Variants in ERN1 observed in about 807,000 individuals in gnomAD.
ERN1 encodes the protein serine/threonine-protein kinase/endoribonuclease IRE1.
In ERN1, 39 loss-of-function variants were observed where a neutral mutation model predicts 113.1. The ratio of observed to expected loss-of-function variants is 0.34; its 90% CI spans 0.27 to 0.45. The LOEUF (loss-of-function observed/expected upper bound fraction) is 0.45. ERN1 is among the 20% of genes least tolerant of loss of function. ERN1 has a pLI of 1.00. For synonymous variants in ERN1, 507 were observed against 515.9 expected (o/e 0.98, Z 0.23); for missense variants, 976 against 1,274.8 (o/e 0.77, Z 3.57).
intron 6 of ERN1, 57 bp downstream of exon 6, chr17:64,071,924 C>G: frequency 6.5e-7 from 1 of 1,544,258 alleles, no homozygotes; most frequent in Non-Finnish European, 8.8e-7. Flanking sequence ...GGCTGGGGAG[C>G]TTCTTCCGAT....
chr17:64,077,637 A>G (rs1913636368), intron 4 of ERN1, among the ~76,000 whole-genome samples: 1 of 151,586 alleles, frequency 6.6e-6, no homozygotes. Flanking sequence ...CCGCTTCCAG[A>G]GTTTATTTTT....
Position 64,064,161 on chromosome 17 carries a change from G to T in ERN1, c.922-10C>A. The T allele has an allele frequency of 6.3e-7, 1 of 1,583,464 alleles. No homozygotes were observed. ...GTGTGCTGCCGCGGGGCTGTGGAGA[G>T]GGTGCAGTGAGGGTCAGGAGCCCTG... On this transcript the variant is annotated splice_polypyrimidine_tract_variant and intron_variant, in intron 9 of 21. Coordinates refer to ENST00000433197, the MANE Select transcript of ERN1 (RefSeq NM_001433.5).
chr17:64,078,737 G>A (rs1913675464), intron 4 of ERN1, among the ~76,000 whole-genome samples: 1 of 152,142 alleles, frequency 6.6e-6, no homozygotes, highest in South Asian at 2.1e-4. Context: ...GGTGGTGGTG[G>A]CTCACGTCTG....
intron 4 of ERN1, among the ~76,000 whole-genome samples, chr17:64,078,098 A>G (rs903275185): frequency 1.3e-5 from 2 of 152,188 alleles, no homozygotes; most frequent in African/African-American, 4.8e-5. Flanking sequence ...GGACTTTAGC[A>G]CTTACTGCCA....
chr17:64,108,543 G>T (rs6504202), intron 1 of ERN1, among the ~76,000 whole-genome samples: 1 of 151,996 alleles, frequency 6.6e-6, no homozygotes, highest in Admixed American at 6.6e-5. Flanking sequence ...CCACACTTTA[G>T]GAAAACTGAA....
At chr17:64,092,807 C>T (rs1914126745) in intron 2 of ERN1, among the ~76,000 whole-genome samples, 1 of 152,312 alleles carries the variant, frequency 6.6e-6, no homozygotes, top group Non-Finnish European at 1.5e-5. Context: ...GTCCTCTCAA[C>T]TCCATCAGGC....
chr17:64,088,722 G>A (rs1193687054), intron 2 of ERN1, among the ~76,000 whole-genome samples: 1 of 152,108 alleles, frequency 6.6e-6, no homozygotes, highest in African/African-American at 2.4e-5. Flanking sequence ...CACACATAAC[G>A]AACTGCTAGA....
chr17:64,058,747 A>G (rs1277428264), intron 11 of ERN1, among the ~76,000 whole-genome samples: 2 of 152,118 alleles, frequency 1.3e-5, no homozygotes, highest in Non-Finnish European at 2.9e-5. Flanking sequence ...CCTCCCTGGC[A>G]CATGCTGAAT....
intron 2 of ERN1, among the ~76,000 whole-genome samples, chr17:64,086,632 C>CT (rs1913934522): frequency 4.5e-5 from 3 of 66,822 alleles, no homozygotes; most frequent in Admixed American, 1.8e-4. Context: ...TTTTTCTTTT[C>CT]TTTCCTTTTT....
chr17:64,046,264 G>A (rs762807591), intron 19 of ERN1, among the ~76,000 whole-genome samples: 13 of 152,220 alleles, frequency 8.5e-5, no homozygotes, highest in Non-Finnish European at 1.8e-4. Context: ...AAGCTGTGGA[G>A]AGGTTAGATT....
At chr17:64,122,191 T>G (rs1879170507) in intron 1 of ERN1, among the ~76,000 whole-genome samples, 2 of 152,206 alleles carry the variant, frequency 1.3e-5, no homozygotes, top group Admixed American at 1.3e-4. Context: ...CACTCACACA[T>G]GACCCTGGAC....
intron 1 of ERN1, among the ~76,000 whole-genome samples, chr17:64,117,416 G>T (rs144418423): frequency 0.017 from 2,630 of 151,832 alleles, 38 homozygotes; most frequent in Middle Eastern, 0.048. Flanking sequence ...GCACTCCAGT[G>T]TGGGCGACAC....
intron 2 of ERN1, among the ~76,000 whole-genome samples, chr17:64,096,982 G>A (rs1285508317): frequency 6.6e-6 from 1 of 152,134 alleles, no homozygotes; most frequent in African/African-American, 2.4e-5. Context: ...TTCATCTCTG[G>A]ACAAAATAGG....
At chr17:64,045,830 G>A (rs866088825) in intron 19 of ERN1, among the ~76,000 whole-genome samples, 1 of 152,180 alleles carries the variant, frequency 6.6e-6, no homozygotes, top group Non-Finnish European at 1.5e-5. Flanking sequence ...AAAAAGAAAA[G>A]GAAAGCTCAG....
At chr17:64,071,863 AT>A in intron 6 of ERN1, 117 bp downstream of exon 6, 2 of 1,068,726 alleles carry the variant, frequency 1.9e-6, no homozygotes, top group Non-Finnish European at 2.7e-6. Flanking sequence ...AAATGACATG[AT>A]GGGACCTGTG....
intron 10 of ERN1, 51 bp from the exon 11 acceptor site, chr17:64,060,638 G>T: frequency 7.4e-7 from 1 of 1,349,948 alleles, no homozygotes; most frequent in Non-Finnish European, 1.1e-6. Flanking sequence ...GAGCTGTGGT[G>T]GCACTCAATG....
chr17:64,041,585 C>T lies in ERN1; in HGVS notation c.*2403G>A, dbSNP rs539517908. On this transcript the variant is annotated 3_prime_UTR_variant, in exon 22 of 22. Transcript: ENST00000433197. Reference sequence around the variant, plus strand: ...AAACCCCCCAGAGGATGGACGGGAACCAGGGCTCCTAAAGGCGACTAAGAG... The same window carrying T: ...AAACCCCCCAGAGGATGGACGGGAATCAGGGCTCCTAAAGGCGACTAAGAG... 2 of 152,248 alleles carry T rather than the reference C, an allele frequency of 1.3e-5. No individual in the cohort carries two copies. Among genetic ancestry groups the T allele is most frequent in the South Asian group, 4.2e-4 (2 of 4,814 alleles). The allele number at this position is 152,248 out of a possible 1,614,324, so 9.4% of individuals were successfully genotyped here.
At chr17:64,101,297 TA>T (rs1355639795) in intron 1 of ERN1, among the ~76,000 whole-genome samples, 1 of 151,862 alleles carries the variant, frequency 6.6e-6, no homozygotes, top group Non-Finnish European at 1.5e-5. Context: ...TAATCCCAGC[TA>T]CTAGAGACGC....
intron 1 of ERN1, among the ~76,000 whole-genome samples, chr17:64,108,251 CAA>C (rs1306503900): frequency 1.3e-5 from 2 of 151,374 alleles, no homozygotes; most frequent in Admixed American, 1.3e-4. Flanking sequence ...TTCCTGAATG[CAA>C]AGGTATGCTA....
Sources: allele counts gnomAD v4.1 joint callset (sites outside exome capture counted in the v4.1 genomes callset), GRCh38; gene constraint gnomAD v4.1.1; transcripts MANE v1.5; gene names NCBI Gene and HGNC (gene_info 2026-07-23, HGNC 2026-07-21).